The following PITX3 variants were observed in gnomAD, a reference collection of about 807,000 sequenced individuals.
PITX3 encodes the protein pituitary homeobox 3.
A neutral mutation model predicts 14.2 loss-of-function variants in PITX3; 4 were observed. The observed-to-expected ratio is 0.28, with a 90% CI of 0.14 to 0.65. The LOEUF (loss-of-function observed/expected upper bound fraction) is 0.65. Ranked by LOEUF, PITX3 falls within the 30% of genes least tolerant of loss-of-function variation. PITX3 has a pLI of 0.82. For synonymous variants in PITX3, 194 were observed against 204.5 expected (o/e 0.95, Z 0.44); for missense variants, 358 against 426.8 (o/e 0.84, Z 1.42).
chr10:102,234,475 G>A (rs748359762), intron 1 of PITX3, among the ~76,000 whole-genome samples: 1 of 152,134 alleles, frequency 6.6e-6, no homozygotes, highest in Non-Finnish European at 1.5e-5. Flanking sequence ...CTTCCAGGTC[G>A]GGTCAGGTCA....
At chr10:102,233,305 T>TTC (rs869251863) in intron 1 of PITX3, among the ~76,000 whole-genome samples, 1 of 17,028 alleles carries the variant, frequency 5.9e-5, no homozygotes, top group Non-Finnish European at 1.0e-4. Flanking sequence ...TTTTTCCTTC[T>TTC]TTTTTTTTTT....
At chr10:102,235,608 ACT>A (rs1200908938) in intron 1 of PITX3, among the ~76,000 whole-genome samples, 2 of 152,030 alleles carry the variant, frequency 1.3e-5, no homozygotes, top group African/African-American at 4.8e-5. Context: ...TAGGGATAAA[ACT>A]CTACCTGAGT....
At chr10:102,238,203 G>T (rs1266559431) in intron 1 of PITX3, among the ~76,000 whole-genome samples, 1 of 152,090 alleles carries the variant, frequency 6.6e-6, no homozygotes, top group Non-Finnish European at 1.5e-5. Context: ...CAGTGGCCAT[G>T]GACACCCTAG....
chr10:102,237,888 C>CCT (rs2070441438), intron 1 of PITX3, among the ~76,000 whole-genome samples: 1 of 151,040 alleles, frequency 6.6e-6, no homozygotes, highest in Non-Finnish European at 1.5e-5. Context: ...TCCTCCCCCG[C>CCT]CCACCCCACT....
intron 1 of PITX3, among the ~76,000 whole-genome samples, chr10:102,235,170 C>CCT (rs1776064743): frequency 1.4e-5 from 1 of 71,500 alleles, no homozygotes; most frequent in Non-Finnish European, 2.8e-5. Flanking sequence ...TACCCTTCCC[C>CCT]CACCCCCCAC....
chr10:102,235,767 T>C (rs939579509), intron 1 of PITX3, among the ~76,000 whole-genome samples: 1 of 152,226 alleles, frequency 6.6e-6, no homozygotes, highest in African/African-American at 2.4e-5. Flanking sequence ...CCAGACTCTG[T>C]ATCCTCCAGT....
rs1223178858 is a variant in PITX3, at chr10:102,230,750, G to C, written c.673C>G (p.Leu225Val). ...LQGLGGGPPGLAPAAVSSGAV... is the reference protein window; with the variant it reads ...LQGLGGGPPGVAPAAVSSGAV... ...CCGGAGGACACGGCGGCCGGAGCCAGCCCGGGGGGGCCCCCGCCCAGGCCC... is the reference window on the plus strand; with the variant it reads ...CCGGAGGACACGGCGGCCGGAGCCACCCCGGGGGGGCCCCCGCCCAGGCCC... The change falls in exon 4 of 4, where the codon CTG becomes GTG. Residue 225 changes from leucine to valine, a missense_variant. Leu to Val is a conservative substitution (Grantham distance 32, BLOSUM62 1). This residue lies in a region of PITX3 where 236 missense variants were observed against 250.2 expected (regional missense o/e 0.94). Transcript: ENST00000370002. 6.7e-7 allele frequency: 1 copy of C among 1,488,794 alleles called. No homozygotes were observed. The highest frequency in any genetic ancestry group is 2.5e-5 in the Admixed American group (1 of 40,176). 92.2% of individuals were successfully genotyped at this position (1,488,794 alleles called of 1,614,324 possible).
chr10:102,235,619 G>A (rs1470886190), intron 1 of PITX3, among the ~76,000 whole-genome samples: 1 of 152,138 alleles, frequency 6.6e-6, no homozygotes, highest in Non-Finnish European at 1.5e-5. Context: ...CTCTACCTGA[G>A]TAGTTTTTTT....
intron 1 of PITX3, among the ~76,000 whole-genome samples, chr10:102,240,944 G>T (rs945982505): frequency 6.6e-6 from 1 of 152,152 alleles, no homozygotes; most frequent in Non-Finnish European, 1.5e-5. Context: ...CACACTGGGG[G>T]CCGCCCCGCC....
intron 1 of PITX3, among the ~76,000 whole-genome samples, chr10:102,234,314 G>T (rs574360627): frequency 6.6e-6 from 1 of 152,248 alleles, no homozygotes; most frequent in South Asian, 2.1e-4. Context: ...CGAGGTCAAG[G>T]CAGGAGGTTG....
Position 102,230,753 on chromosome 10 carries a change from C to T in PITX3, c.670G>A (p.Gly224Arg). The change falls in exon 4 of 4, where the codon GGG (glycine) becomes AGG (arginine). Residue 224 changes from glycine to arginine, a missense_variant. Gly to Arg is a moderately radical substitution (Grantham distance 125). Transcript: ENST00000370002. ...GAGGACACGGCGGCCGGAGCCAGCC[C>T]GGGGGGGCCCCCGCCCAGGCCCTGC... Reference protein sequence around the residue: ...ALQGLGGGPPGLAPAAVSSGA... With the variant: ...ALQGLGGGPPRLAPAAVSSGA... 1 of 1,489,132 alleles carries T rather than the reference C, an allele frequency of 6.7e-7. No individual in the cohort carries two copies. The highest frequency in any genetic ancestry group is 8.9e-7 in the Non-Finnish European group (1 of 1,123,730). 92.2% of individuals were successfully genotyped at this position (1,489,132 alleles called of 1,614,324 possible).
chr10:102,235,191 C>T (rs1378036323), intron 1 of PITX3, among the ~76,000 whole-genome samples: 2 of 148,092 alleles, frequency 1.4e-5, no homozygotes. Flanking sequence ...CCCCCCACCG[C>T]CTCCCTGGCC....
rs972747798 is a variant in PITX3 at position 102,232,026 on chromosome 10, A to T, written c.55T>A (p.Ser19Thr). Residue 19 changes from serine (S) to threonine (T), a missense_variant, in exon 2 of 4, where the codon TCA becomes ACA. By Grantham distance (58) the Ser-to-Thr change is moderately conservative. Around this residue, in one of 3 missense-constraint regions of PITX3, gnomAD observed 72 missense variants for 79.9 expected, o/e 0.90. Coordinates refer to ENST00000370002, the MANE Select transcript of PITX3 (RefSeq NM_005029.4). The part of the protein sequence containing the change: ...AEARSPALSL[S>T]DAGTPHPQLP... ...TGGGGGTGCGGAGTGCCAGCGTCTG[A>T]CAGCGACAGGGCAGGGCTCCGGGCC... 3 of 1,608,750 alleles carry T rather than the reference A, an allele frequency of 1.9e-6. No individual in the cohort carries two copies. Among genetic ancestry groups the T allele is most frequent in the Admixed American group, 1.7e-5 (1 of 59,754 alleles).
chr10:102,236,026 G>A (rs1022554032), intron 1 of PITX3, among the ~76,000 whole-genome samples: 5 of 152,166 alleles, frequency 3.3e-5, no homozygotes, highest in African/African-American at 9.7e-5. Context: ...GGACCTGACC[G>A]TGAAACTGAA....
In PITX3 at chr10:102,241,069, C is replaced by T. The variant is rs550115529; in HGVS notation, c.-13+264G>A. On this transcript the variant is annotated intron_variant, in intron 1 of 3. Coordinates refer to ENST00000370002, the MANE Select transcript of PITX3 (RefSeq NM_005029.4). The surrounding 1 kb of genome is among the most constrained non-coding windows in gnomAD (Gnocchi z 6.7). ...TGGTTTCCAGACTCCCTACTCCCTGCCTCGCGAAGCCCCTATCCTGGTTTC... is the reference window on the plus strand; with the variant it reads ...TGGTTTCCAGACTCCCTACTCCCTGTCTCGCGAAGCCCCTATCCTGGTTTC... Among the ~76,000 whole-genome samples, 5 of 152,296 alleles carry T rather than the reference C, an allele frequency of 3.3e-5. No homozygotes were observed. The South Asian group carries it at 8.3e-4, about 25-fold the overall frequency.
At chr10:102,231,225 G>T in intron 3 of PITX3, 124 bp from the exon 4 acceptor site, 1 of 974,672 alleles carries the variant, frequency 1.0e-6, no homozygotes, top group Non-Finnish European at 1.5e-6. Flanking sequence ...GGTGGCTAGA[G>T]ACGGGGTGGG....
At chr10:102,240,689 C>T (rs1339957111) in intron 1 of PITX3, among the ~76,000 whole-genome samples, 2 of 152,220 alleles carry the variant, frequency 1.3e-5, no homozygotes, top group African/African-American at 4.8e-5. Context: ...GATTCTGAGG[C>T]GGCCTCAAGT....
intron 2 of PITX3, 44 bp downstream of exon 2, chr10:102,231,919 A>G (rs1423813977): frequency 7.0e-6 from 11 of 1,564,362 alleles, no homozygotes; most frequent in Non-Finnish European, 7.9e-6. Context: ...CGCACTGGGG[A>G]TGAAGCTGTT....
At position 102,230,647 on chromosome 10, in the gene PITX3, G is replaced by C. The variant is rs1480927175; in HGVS notation, c.776C>G (p.Pro259Arg). 1 of 1,602,544 alleles carries C rather than the reference G, an allele frequency of 6.2e-7. No individual in the cohort carries two copies. Among genetic ancestry groups the C allele is most frequent in the African/African-American group, 1.3e-5 (1 of 74,776 alleles). Residue 259 changes from proline (P) to arginine (R), a missense_variant, in exon 4 of 4, where the codon CCG becomes CGG. Pro to Arg is a moderately radical substitution (Grantham distance 103). Transcript: ENST00000370002. The part of the protein sequence containing the change: ...AASSPYVYRD[P>R]CNSSLASLRL... Reference sequence around the variant, plus strand: ...CAGGCTGGCCAGGCTCGAGTTACACGGGTCCCGATAGACGTAGGGGGAAGA... The same window carrying C: ...CAGGCTGGCCAGGCTCGAGTTACACCGGTCCCGATAGACGTAGGGGGAAGA...
Sources: allele counts gnomAD v4.1 joint callset (sites outside exome capture counted in the v4.1 genomes callset), GRCh38; gene constraint gnomAD v4.1.1; regional missense constraint gnomAD v4.1.1; non-coding constraint Gnocchi (gnomAD v3.1); transcripts MANE v1.5; gene names NCBI Gene and HGNC (gene_info 2026-07-23, HGNC 2026-07-21).